CUL5: variants seen among roughly 807,000 people sequenced by gnomAD.
The protein encoded by CUL5 is cullin 5.
Under a neutral mutation model 108.8 loss-of-function variants are expected in CUL5, and 26 were observed. The observed-to-expected ratio is 0.24, with a 90% confidence interval of 0.18 to 0.33. The LOEUF (loss-of-function observed/expected upper bound fraction) is 0.33, where lower values mean the gene tolerates loss of function less well. CUL5 is among the 10% of genes least tolerant of loss of function. The pLI, the probability that CUL5 is intolerant of heterozygous loss-of-function variation, is 1.00. For synonymous variants in CUL5, 334 were observed against 298.0 expected, an observed-to-expected ratio of 1.12 and a Z score of -1.25; for missense variants, 524 against 909.2, an observed-to-expected ratio of 0.58 and a Z score of 5.45.
At chr11:108,010,743 C>T (rs1240465739) in intron 1 of CUL5, among the ~76,000 whole-genome samples, 12 of 152,184 alleles carry the variant, frequency 7.9e-5, no homozygotes, top group Admixed American at 7.2e-4. Flanking sequence ...TTGAGTAACC[C>T]ATCCCACTCT....
intron 18 of CUL5, among the ~76,000 whole-genome samples, chr11:108,103,333 G>C (rs541829306): frequency 2.6e-5 from 4 of 152,110 alleles, no homozygotes; most frequent in Admixed American, 1.3e-4. Flanking sequence ...GACCAGGGCA[G>C]GGGAGTATTT....
chr11:108,089,245 TTTATACA>T (rs2135225728), intron 12 of CUL5, among the ~76,000 whole-genome samples: 1 of 152,268 alleles, frequency 6.6e-6, no homozygotes, highest in East Asian at 1.9e-4. Context: ...ATCGTTGCAT[TTTATACA>T]AAATCTAAAA....
Position 108,105,230 on chromosome 11 carries a change from T to C in CUL5, c.*846T>C, listed in dbSNP as rs1450619009. ...ATATTAAGTGTGTTTACTAAACATA[T>C]TGTGTGTTTACTAACACACTTAATG... On this transcript the variant is annotated 3_prime_UTR_variant, in exon 19 of 19. Coordinates refer to ENST00000393094, the MANE Select transcript of CUL5 (RefSeq NM_003478.6). The C allele has an allele frequency of 1.3e-5, 2 of 152,200 alleles. No individual in the cohort carries two copies. The highest frequency in any genetic ancestry group is 6.5e-5 in the Admixed American group (1 of 15,272). 9.4% of individuals were successfully genotyped at this position (152,200 alleles called of 1,614,324 possible).
intron 2 of CUL5, among the ~76,000 whole-genome samples, chr11:108,036,955 G>A (rs1329351927): frequency 3.3e-5 from 5 of 152,120 alleles, no homozygotes; most frequent in Non-Finnish European, 4.4e-5. Context: ...CCCCACTCCT[G>A]TTTCTCCCCT....
At chr11:108,042,218 C>CTTTTTTTTTTTTTTTTTTTTTTTTTTTTT (rs11440201) in intron 2 of CUL5, among the ~76,000 whole-genome samples, 1 of 124,098 alleles carries the variant, frequency 8.1e-6, no homozygotes. Context: ...ATCCACAATT[C>CTTTTTTTTTTTTTTTTTTTTTTTTTTTTT]TTTTTTTTTT....
intron 11 of CUL5, among the ~76,000 whole-genome samples, chr11:108,085,212 T>C (rs1036899932): frequency 2.0e-5 from 3 of 152,206 alleles, no homozygotes; most frequent in Non-Finnish European, 4.4e-5. Flanking sequence ...AAGCAAAGTA[T>C]GCTGTATCCA....
chr11:108,066,543 CA>C (rs1433596649), intron 7 of CUL5, among the ~76,000 whole-genome samples: 1 of 152,064 alleles, frequency 6.6e-6, no homozygotes, highest in African/African-American at 2.4e-5. Flanking sequence ...TCTGCCTACC[CA>C]AAATCTTGCA....
chr11:108,053,213 T>C (rs1863280745), intron 5 of CUL5, among the ~76,000 whole-genome samples: 1 of 152,176 alleles, frequency 6.6e-6, no homozygotes, highest in African/African-American at 2.4e-5. Context: ...GTATGCTTCT[T>C]CCCCACGCTT....
chr11:108,046,229 G>A, intron 2 of CUL5, 41 bp from the exon 3 acceptor site: 1 of 1,357,194 alleles, frequency 7.4e-7, no homozygotes, highest in Non-Finnish European at 1.0e-6. Flanking sequence ...TTCAGTTCTT[G>A]TTTCATTATT....
chr11:108,063,626 A>C (rs971910050), intron 7 of CUL5, among the ~76,000 whole-genome samples: 3 of 142,760 alleles, frequency 2.1e-5, no homozygotes, highest in Non-Finnish European at 4.5e-5. Flanking sequence ...ATGATAATAA[A>C]ATTTAATAAA....
At chr11:108,012,027 G>A (rs764865325) in intron 1 of CUL5, among the ~76,000 whole-genome samples, 2 of 152,212 alleles carry the variant, frequency 1.3e-5, no homozygotes, top group Admixed American at 1.3e-4. Context: ...GCTATGTAAA[G>A]ATTTGTGTAG....
At chr11:108,093,206 G>T (rs1864399098) in intron 13 of CUL5, among the ~76,000 whole-genome samples, 1 of 152,192 alleles carries the variant, frequency 6.6e-6, no homozygotes, top group East Asian at 1.9e-4. Flanking sequence ...TTGCCTTCTT[G>T]TGTAACTTGA....
intron 11 of CUL5, among the ~76,000 whole-genome samples, chr11:108,081,956 T>A (rs1246882590): frequency 3.3e-5 from 5 of 152,226 alleles, no homozygotes; most frequent in African/African-American, 1.2e-4. Flanking sequence ...TCCCTTCTAA[T>A]TCCATATGAA....
chr11:108,090,103 A>G (rs1759761179), intron 13 of CUL5, among the ~76,000 whole-genome samples: 1 of 152,042 alleles, frequency 6.6e-6, no homozygotes, highest in African/African-American at 2.4e-5. Context: ...TGTTCTTAAT[A>G]CTTTCAGTAA....
In CUL5 at chr11:108,070,200, C is replaced by T. The variant is rs1863785204; in HGVS notation, c.874+11C>T. On this transcript the variant is annotated intron_variant, in intron 8 of 18. Transcript: ENST00000393094. ...GAAATGAAACTGAAAGTAGGTAAAA[C>T]ATCACATAAAGTTATCATAATCTTC... 2 of 1,568,716 alleles carry T rather than the reference C, an allele frequency of 1.3e-6. No individual in the cohort carries two copies. Among genetic ancestry groups the T allele is most frequent in the Non-Finnish European group, 1.8e-6 (2 of 1,140,970 alleles).
At chr11:108,088,746 A>G (rs1864282961) in intron 12 of CUL5, 87 bp downstream of exon 12, 15 of 1,000,616 alleles carry the variant, frequency 1.5e-5, no homozygotes, top group Non-Finnish European at 2.1e-5. Flanking sequence ...GATAGTATCA[A>G]TTTAAAAATG....
chr11:108,074,298 G>A (rs905257245), intron 10 of CUL5, among the ~76,000 whole-genome samples: 3 of 149,486 alleles, frequency 2.0e-5, no homozygotes, highest in Admixed American at 6.7e-5. Flanking sequence ...AGGTTCAAGC[G>A]ATTCTCCTGC....
At chr11:108,070,452 G>A (rs773615563) in intron 8 of CUL5, among the ~76,000 whole-genome samples, 1 of 152,042 alleles carries the variant, frequency 6.6e-6, no homozygotes, top group Non-Finnish European at 1.5e-5. Flanking sequence ...TTTCTCAAAA[G>A]CAAGACACTG....
At chr11:108,066,190 C>G (rs183694013) in intron 7 of CUL5, among the ~76,000 whole-genome samples, 8 of 152,058 alleles carry the variant, frequency 5.3e-5, no homozygotes, top group Admixed American at 5.2e-4. Flanking sequence ...AATACAAAAA[C>G]AAACTTAGCC....
Sources: gnomAD v4.1 joint callset for allele counts (sites outside exome capture counted in the v4.1 genomes callset) on GRCh38, gnomAD v4.1.1 for gene constraint, MANE v1.5 for transcripts, NCBI Gene and HGNC (gene_info 2026-07-23, HGNC 2026-07-21) for gene names.